OXNAD1: variants seen among roughly 807,000 people sequenced by gnomAD.
The protein encoded by OXNAD1 is oxidoreductase NAD binding domain containing 1, also known as oxidoreductase NAD-binding domain-containing protein 1.
In OXNAD1, 34 loss-of-function variants were observed where a neutral mutation model predicts 32.9. The observed-to-expected ratio is 1.03, with a 90% CI of 0.79 to 1.38. The LOEUF (loss-of-function observed/expected upper bound fraction) is 1.38. OXNAD1 is among the 40% of genes most tolerant of loss of function. The probability of loss-of-function intolerance (pLI) is 0.00; values close to 1 mark genes in which losing one functional copy is unlikely to be tolerated. For missense variants in OXNAD1, 407 were observed against 379.4 expected (o/e 1.07, Z -0.60); for synonymous variants, 134 against 135.2 (o/e 0.99, Z 0.06).
Position 16,329,651 on chromosome 3 carries a change from G to A in OXNAD1, c.*31-7461G>A, listed in dbSNP as rs1274468879. Among the ~76,000 whole-genome samples, 6 of 152,118 alleles carry A rather than the reference G, an allele frequency of 3.9e-5. No individual in the cohort carries two copies. The highest frequency in any genetic ancestry group is 1.4e-4 in the African/African-American group (6 of 41,412). On this transcript the variant is annotated intron_variant, in intron 9 of 9. Transcript: ENST00000435829. This position sits in a 1 kb window ranked among gnomAD's most constrained non-coding sequence, Gnocchi z 4.5. ...AGGCTGCTTTATCCTGAGAATCCCT[G>A]CCCCCATCCCCGTATTCCCAGTTTA...
In OXNAD1 at chr3:16,297,380, A is replaced by T. The variant is rs144680422; in HGVS notation, c.432+2383A>T. On this transcript the variant is annotated intron_variant, in intron 6 of 8. Transcript: ENST00000285083. The surrounding 1 kb of genome is among the most constrained non-coding windows in gnomAD (Gnocchi z 4.3). ...GATGTGGAGCAACTGGAACTCTCATATATTGCTTATATTGCTAGTGGGAAT... is the reference window on the plus strand; with the variant it reads ...GATGTGGAGCAACTGGAACTCTCATTTATTGCTTATATTGCTAGTGGGAAT... 9.3e-4 allele frequency among the ~76,000 whole-genome samples: 141 copies of T among 152,332 alleles called. No homozygotes were observed. Among genetic ancestry groups the T allele is most frequent in the Admixed American group, 2.2e-3 (34 of 15,298 alleles).
chr3:16,322,826 G>C lies in OXNAD1; in HGVS notation c.*31-14286G>C, dbSNP rs1305998948. On this transcript the variant is annotated intron_variant, in intron 9 of 9. Coordinates refer to the OXNAD1 transcript ENST00000435829. The surrounding 1 kb of genome is among the most constrained non-coding windows in gnomAD (Gnocchi z 6.2). ...GGGCCCTGGGGATCTCTTGAGGACAGCCTGGCCTGAGGACTTGCTGCCACA... is the reference window on the plus strand; with the variant it reads ...GGGCCCTGGGGATCTCTTGAGGACACCCTGGCCTGAGGACTTGCTGCCACA... Among the ~76,000 whole-genome samples the C allele has an allele frequency of 6.6e-6, 1 of 152,172 alleles. No individual in the cohort carries two copies. The highest frequency in any genetic ancestry group is 6.5e-5 in the Admixed American group (1 of 15,282).
At chr3:16,308,284 C>G (rs542397919), downstream of OXNAD1, among the ~76,000 whole-genome samples, 1 of 152,242 alleles carries the variant, frequency 6.6e-6, no homozygotes, top group Non-Finnish European at 1.5e-5. The surrounding 1 kb of genome is among the most constrained non-coding windows in gnomAD (Gnocchi z 4.4). Context: ...AAATGGATGA[C>G]TGGGTGAGTC....
chr3:16,301,793 C>T lies in OXNAD1; in HGVS notation c.600C>T (p.Asn200=), dbSNP rs1559768562. 4.3e-6 allele frequency: 7 copies of T among 1,613,998 alleles called. 1 individual carries two copies. The South Asian group carries it at 7.7e-5, about 18-fold the overall frequency. ...CAGATCTCCTCAGAGAGCAGGCAAACAAAAGAAATGGATATGAGATAGGAA... is the reference window on the plus strand; with the variant it reads ...CAGATCTCCTCAGAGAGCAGGCAAATAAAAGAAATGGATATGAGATAGGAA... ...HAADLLREQA[N]KRNGYEIGTI... The change falls in exon 7 of 9, where the codon AAC becomes AAT. Residue 200 remains asparagine, a synonymous_variant. Coordinates refer to ENST00000285083, the MANE Select transcript of OXNAD1 (RefSeq NM_138381.5). This position sits in a 1 kb window ranked among gnomAD's most constrained non-coding sequence, Gnocchi z 4.1.
chr3:16,323,381 A>C, intron 9 of OXNAD1: 1 of 1,607,056 alleles, frequency 6.2e-7, no homozygotes, highest in South Asian at 1.1e-5. Flanking sequence ...CTTACCTTCG[A>C]TTCCTTCTTC....
At chr3:16,270,520 T>C (rs2064849433) in intron 2 of OXNAD1, among the ~76,000 whole-genome samples, 1 of 152,200 alleles carries the variant, frequency 6.6e-6, no homozygotes, top group Non-Finnish European at 1.5e-5. Context: ...AAGCTTCTTG[T>C]TTGGGAACCG....
In OXNAD1 at chr3:16,290,683, A is replaced by C. The variant is rs1221594093; in HGVS notation, c.291-4173A>C. On this transcript the variant is annotated intron_variant, in intron 5 of 8. Coordinates refer to ENST00000285083, the MANE Select transcript of OXNAD1 (RefSeq NM_138381.5). The surrounding 1 kb of genome is among the most constrained non-coding windows in gnomAD (Gnocchi z 4.2). ...TCAGAAATGAAAAGAAAGTTAAAGTACTCATGGAAAAGAGTCAAGTGAAAA... is the reference window on the plus strand; with the variant it reads ...TCAGAAATGAAAAGAAAGTTAAAGTCCTCATGGAAAAGAGTCAAGTGAAAA... Among the ~76,000 whole-genome samples the C allele has an allele frequency of 6.6e-6, 1 of 152,248 alleles. No individual in the cohort carries two copies. The highest frequency in any genetic ancestry group is 6.5e-5 in the Admixed American group (1 of 15,286).
rs2070146897 is a variant in OXNAD1, at chr3:16,329,991, T to G, written c.*31-7121T>G. The stretch of plus-strand genomic sequence containing the variant: ...ACAGACTGCAAACCGGCTGCTTCTA[T>G]TTTGCTCCGTTTTATTTCATTTTGT... On this transcript the variant is annotated intron_variant, in intron 9 of 9. Transcript: ENST00000435829. The surrounding 1 kb of genome is among the most constrained non-coding windows in gnomAD (Gnocchi z 4.5). Among the ~76,000 whole-genome samples, 2 of 152,176 alleles carry G rather than the reference T, an allele frequency of 1.3e-5. No individual in the cohort carries two copies. Among genetic ancestry groups the G allele is most frequent in the South Asian group, 4.1e-4 (2 of 4,828 alleles).
At chr3:16,291,731 G>A (rs1253312610) in intron 5 of OXNAD1, among the ~76,000 whole-genome samples, 2 of 152,206 alleles carry the variant, frequency 1.3e-5, no homozygotes, top group Admixed American at 6.5e-5. Flanking sequence ...TGAACATACA[G>A]TTTCACCTGT....
rs1575215717 is a variant in OXNAD1 at position 16,317,746 on chromosome 3, C to T, written c.*30+14154C>T. On this transcript the variant is annotated intron_variant, in intron 9 of 9. Coordinates refer to the OXNAD1 transcript ENST00000435829. The surrounding 1 kb of genome is among the most constrained non-coding windows in gnomAD (Gnocchi z 4.3). Reference sequence around the variant, plus strand: ...GTACCGCTCAGATCCCCCCACAGGACTGGCGGGCCCGCTCCCCAGCTAGGC... The same window carrying T: ...GTACCGCTCAGATCCCCCCACAGGATTGGCGGGCCCGCTCCCCAGCTAGGC... 6.8e-6 allele frequency among the ~76,000 whole-genome samples: 1 copy of T among 147,666 alleles called. No individual in the cohort carries two copies.
chr3:16,345,817 TG>T lies in OXNAD1; in HGVS notation c.*31-3358del, dbSNP rs2071649149. Among the ~76,000 whole-genome samples the T allele has an allele frequency of 1.3e-5, 1 of 74,540 alleles. No homozygotes were observed. Among genetic ancestry groups the T allele is most frequent in the Admixed American group, 1.2e-4 (1 of 8,352 alleles). 48.9% of individuals were successfully genotyped at this position (74,540 alleles called of 152,430 possible). A position where few individuals can be genotyped will look rare whatever the true frequency, so the allele number is the denominator to read the frequency against. ...GTGTGTGTGTGTGTGTGTGTGTGTG[TG>T]CGCGCGCGCGTGCGCGCACGCGCAC... On this transcript the variant is annotated intron_variant, in intron 9 of 9. Coordinates refer to the OXNAD1 transcript ENST00000606098. The surrounding 1 kb of genome is among the most constrained non-coding windows in gnomAD (Gnocchi z 5.2).
intron 4 of OXNAD1, among the ~76,000 whole-genome samples, chr3:16,274,659 A>G (rs2065196656): frequency 6.6e-6 from 1 of 152,244 alleles, no homozygotes; most frequent in African/African-American, 2.4e-5. Context: ...TAAATATTTT[A>G]TAGATTAGGG....
intron 9 of OXNAD1, among the ~76,000 whole-genome samples, chr3:16,324,172 A>G (rs562557025): frequency 6.6e-6 from 1 of 152,260 alleles, no homozygotes; most frequent in Non-Finnish European, 1.5e-5. Context: ...ACAAATAATA[A>G]TTGTATATTT....
rs1407324910 is a variant in OXNAD1, at chr3:16,321,534, G to A, written c.*31-15578G>A. On this transcript the variant is annotated intron_variant, in intron 9 of 9. Transcript: ENST00000435829. The surrounding 1 kb of genome is among the most constrained non-coding windows in gnomAD (Gnocchi z 4.8). ...GACGCTGACCCTTGTCAGCTGAGGA[G>A]TGAGGAGGGGACACCCAGTGCAGAA... Among the ~76,000 whole-genome samples the A allele has an allele frequency of 6.6e-6, 1 of 152,174 alleles. No homozygotes were observed. Among genetic ancestry groups the A allele is most frequent in the Non-Finnish European group, 1.5e-5 (1 of 68,018 alleles).
rs559596660 is a variant in OXNAD1 at position 16,322,362 on chromosome 3, T to C, written c.*31-14750T>C. Among the ~76,000 whole-genome samples the C allele has an allele frequency of 3.9e-4, 60 of 152,328 alleles. No individual in the cohort carries two copies. The highest frequency in any genetic ancestry group is 6.6e-4 in the Non-Finnish European group (45 of 68,028). On this transcript the variant is annotated intron_variant, in intron 9 of 9. Transcript: ENST00000435829. This position sits in a 1 kb window ranked among gnomAD's most constrained non-coding sequence, Gnocchi z 6.2. ...GAGTTGTTGGCTGGTGAGGGGCTGC[T>C]CCAATCTGTTCATTTACTTGATGCT...
At chr3:16,272,524 A>G (rs903357525) in intron 4 of OXNAD1, among the ~76,000 whole-genome samples, 3 of 152,158 alleles carry the variant, frequency 2.0e-5, no homozygotes, top group Admixed American at 1.3e-4. Context: ...AAATTTATCT[A>G]TTAATAGAAG....
At chr3:16,343,027 G>C (rs1179589021) in intron 9 of OXNAD1, among the ~76,000 whole-genome samples, 1 of 151,978 alleles carries the variant, frequency 6.6e-6, no homozygotes, top group Non-Finnish European at 1.5e-5. Flanking sequence ...TTTTAATGTA[G>C]AGAGACAAGG....
In OXNAD1 at chr3:16,301,926, A is replaced by G. The variant is rs1198721123; in HGVS notation, c.675+58A>G. ...TGTGTAGTGGTATTAATTGTTCATG[A>G]AAGTTTTTTCTCTAGGTTTTGTTTT... On this transcript the variant is annotated intron_variant, in intron 7 of 8. Coordinates refer to ENST00000285083, the MANE Select transcript of OXNAD1 (RefSeq NM_138381.5). The surrounding 1 kb of genome is among the most constrained non-coding windows in gnomAD (Gnocchi z 4.1). The G allele has an allele frequency of 1.3e-6, 2 of 1,557,526 alleles. No individual in the cohort carries two copies. The highest frequency in any genetic ancestry group is 4.5e-5 in the East Asian group (2 of 44,336).
At chr3:16,292,254 C>T (rs1405948310) in intron 5 of OXNAD1, among the ~76,000 whole-genome samples, 5 of 150,250 alleles carry the variant, frequency 3.3e-5, no homozygotes, top group Non-Finnish European at 5.9e-5. Context: ...CGCAGTGGCA[C>T]GATCTCGATT....
Sources: allele counts gnomAD v4.1 joint callset (sites outside exome capture counted in the v4.1 genomes callset), GRCh38; gene constraint gnomAD v4.1.1; non-coding constraint Gnocchi (gnomAD v3.1); transcripts MANE v1.5; gene names NCBI Gene and HGNC (gene_info 2026-07-23, HGNC 2026-07-21).